The following TPRG1 variants were observed in gnomAD, a reference collection of about 807,000 sequenced individuals.
The protein encoded by TPRG1 is tumor protein p63 regulated 1.
Under a neutral mutation model 29.3 loss-of-function variants are expected in TPRG1, and 29 were observed. That is an observed-to-expected ratio of 0.99 (90% CI 0.74 to 1.35). The LOEUF is 1.35. Ranked by LOEUF, TPRG1 falls within the 40% of genes most tolerant of loss-of-function variation. TPRG1 has a pLI of 0.00. For synonymous variants in TPRG1, 130 were observed against 116.8 expected, an observed-to-expected ratio of 1.11 and a Z score of -0.73; for missense variants, 327 against 335.0, an observed-to-expected ratio of 0.98 and a Z score of 0.19.
intron 2 of TPRG1, among the ~76,000 whole-genome samples, chr3:189,214,132 G>A (rs916896165): frequency 6.6e-6 from 1 of 152,102 alleles, no homozygotes; most frequent in Non-Finnish European, 1.5e-5. Flanking sequence ...AGGCAAATAA[G>A]GTTTTAAAAA....
At chr3:189,139,857 A>T (rs1724304629) in intron 3 of TPRG1, among the ~76,000 whole-genome samples, 1 of 152,116 alleles carries the variant, frequency 6.6e-6, no homozygotes, top group African/African-American at 2.4e-5. Context: ...TCTGTCTAGC[A>T]TATGGTTGCA....
chr3:189,134,641 T>G (rs1470663436), intron 3 of TPRG1, among the ~76,000 whole-genome samples: 1 of 152,116 alleles, frequency 6.6e-6, no homozygotes, highest in Admixed American at 6.5e-5. Flanking sequence ...GGTCTCAAAC[T>G]TCTGGCCTCA....
At chr3:189,137,264 C>T (rs1251489618) in intron 3 of TPRG1, among the ~76,000 whole-genome samples, 1 of 145,254 alleles carries the variant, frequency 6.9e-6, no homozygotes, top group Non-Finnish European at 1.5e-5. Flanking sequence ...ATTAAGAAAG[C>T]AACAAAATAA....
chr3:189,212,577 T>G (rs1314622093), intron 2 of TPRG1, among the ~76,000 whole-genome samples: 1 of 152,180 alleles, frequency 6.6e-6, no homozygotes, highest in Non-Finnish European at 1.5e-5. Flanking sequence ...ATTTTTTTTT[T>G]TCTTTATGAG....
chr3:189,039,811 A>G (rs1162625999), intron 4 of TPRG1, among the ~76,000 whole-genome samples: 1 of 151,104 alleles, frequency 6.6e-6, no homozygotes, highest in Non-Finnish European at 1.5e-5. Flanking sequence ...CTTGGAAAGG[A>G]GATCATTCTG....
At chr3:189,132,429 T>G (rs963085416) in exon 3 of TPRG1, 8 of 152,196 alleles carry the variant, frequency 5.3e-5, no homozygotes, top group African/African-American at 1.9e-4. Flanking sequence ...GCGACCCTTC[T>G]GATAAGTCAC....
chr3:189,243,353 C>G (rs1028212663), intron 4 of TPRG1, among the ~76,000 whole-genome samples: 4 of 152,178 alleles, frequency 2.6e-5, no homozygotes, highest in Non-Finnish European at 5.9e-5. Flanking sequence ...CCAATCACCT[C>G]CCATTAGGCC....
chr3:189,079,583 AG>A (rs1396124299), intron 4 of TPRG1, among the ~76,000 whole-genome samples: 1 of 150,836 alleles, frequency 6.6e-6, no homozygotes, highest in Non-Finnish European at 1.5e-5. Context: ...TAAAAACAGA[AG>A]TATTTTAAAC....
upstream of TPRG1, among the ~76,000 whole-genome samples, chr3:189,097,462 C>CA (rs1718753901): frequency 6.6e-6 from 1 of 152,128 alleles, no homozygotes; most frequent in Non-Finnish European, 1.5e-5. Flanking sequence ...GTTTATATCT[C>CA]AATTGCACAA....
At chr3:189,198,618 G>A (rs1485433790) in intron 1 of TPRG1, among the ~76,000 whole-genome samples, 1 of 152,170 alleles carries the variant, frequency 6.6e-6, no homozygotes. Context: ...GAACAGGCAG[G>A]GTATCCATTC....
At chr3:189,080,800 A>G (rs1020264337) in intron 4 of TPRG1, among the ~76,000 whole-genome samples, 1 of 151,982 alleles carries the variant, frequency 6.6e-6, no homozygotes, top group Non-Finnish European at 1.5e-5. Flanking sequence ...TAGCACTGGG[A>G]TTAACTAGGT....
intron 1 of TPRG1, among the ~76,000 whole-genome samples, chr3:189,120,797 G>A (rs1161133777): frequency 2.6e-5 from 4 of 152,322 alleles, no homozygotes; most frequent in African/African-American, 2.4e-5. Context: ...GGTAAACCTC[G>A]ATATAGGTCA....
At chr3:189,290,135 T>C (rs143342733) in intron 4 of TPRG1, among the ~76,000 whole-genome samples, 368 of 152,360 alleles carry the variant, frequency 2.4e-3, no homozygotes, top group African/African-American at 8.4e-3. Flanking sequence ...GAAGCAGTAA[T>C]GTGCAGCTTC....
intron 1 of TPRG1, among the ~76,000 whole-genome samples, chr3:189,101,620 A>G (rs1719214216): frequency 6.6e-6 from 1 of 151,988 alleles, no homozygotes; most frequent in Non-Finnish European, 1.5e-5. Flanking sequence ...CAATTCCTTG[A>G]CTTTCAGAAA....
In TPRG1 at chr3:189,049,200, A is replaced by T. The variant is rs532964561; in HGVS notation, c.-463+25254A>T. On this transcript the variant is annotated intron_variant, in intron 4 of 10. Coordinates refer to the TPRG1 transcript ENST00000433971. The stretch of plus-strand genomic sequence containing the variant: ...GACTTCACAGGCACAGGCACGGAAG[A>T]ACTAAAGCCCTTTTCTCTTGCAGCT... 2.4e-4 allele frequency among the ~76,000 whole-genome samples: 37 copies of T among 152,330 alleles called. No homozygotes were observed. In the South Asian group the frequency reaches 7.5e-3, roughly 31 times the overall value.
chr3:189,172,166 G>A (rs1697464331), intron 1 of TPRG1, 35 bp downstream of exon 1: 1 of 152,236 alleles, frequency 6.6e-6, no homozygotes, highest in Non-Finnish European at 1.5e-5. Flanking sequence ...GTTCTGCAGA[G>A]ATGGGTTATT....
At chr3:189,186,532 C>T (rs1730943337) in intron 1 of TPRG1, among the ~76,000 whole-genome samples, 1 of 152,132 alleles carries the variant, frequency 6.6e-6, no homozygotes, top group Admixed American at 6.5e-5. Flanking sequence ...CATGAACTAG[C>T]ACCTTTTGAC....
At chr3:189,284,752 C>G (rs1404558644) in intron 4 of TPRG1, among the ~76,000 whole-genome samples, 1 of 152,172 alleles carries the variant, frequency 6.6e-6, no homozygotes, top group Middle Eastern at 3.2e-3. Flanking sequence ...AAAGCTGAAA[C>G]TGGATCCCTT....
chr3:189,039,600 T>G (rs956531262), intron 4 of TPRG1, among the ~76,000 whole-genome samples: 1 of 152,198 alleles, frequency 6.6e-6, no homozygotes, highest in Non-Finnish European at 1.5e-5. Context: ...TTTAGATCTT[T>G]CCTTCTGTGT....
Sources: allele counts gnomAD v4.1 joint callset (sites outside exome capture counted in the v4.1 genomes callset), GRCh38; gene constraint gnomAD v4.1.1; transcripts MANE v1.5; gene names NCBI Gene and HGNC (gene_info 2026-07-23, HGNC 2026-07-21).